Variants in FAM234B observed in about 807,000 individuals in gnomAD.
The protein encoded by FAM234B is family with sequence similarity 234 member B.
A neutral mutation model predicts 69.3 loss-of-function variants in FAM234B; 33 were observed. That is an observed-to-expected ratio of 0.48 (90% CI 0.36 to 0.64). FAM234B has a LOEUF of 0.64. Among genes scored for constraint, FAM234B ranks in the 30% least tolerant of loss-of-function variants. The pLI is 0.00. For synonymous variants in FAM234B, 306 were observed against 306.9 expected, an observed-to-expected ratio of 1.00 and a Z score of 0.03; for missense variants, 697 against 769.7, an observed-to-expected ratio of 0.91 and a Z score of 1.12.
chr12:13,066,309 G>T (rs1865035859), intron 5 of FAM234B, among the ~76,000 whole-genome samples: 1 of 152,156 alleles, frequency 6.6e-6, no homozygotes, highest in Admixed American at 6.5e-5. Flanking sequence ...TTGAAGTAAA[G>T]ACCCAGGGGC....
intron 1 of FAM234B, among the ~76,000 whole-genome samples, chr12:13,053,703 C>A (rs1392707296): frequency 2.0e-5 from 3 of 152,198 alleles, no homozygotes; most frequent in African/African-American, 2.4e-5. Context: ...TCTTGATAAA[C>A]ATCTTAACAG....
intron 1 of FAM234B, among the ~76,000 whole-genome samples, chr12:13,052,538 C>G (rs1188412050): frequency 6.6e-6 from 1 of 152,138 alleles, no homozygotes; most frequent in East Asian, 1.9e-4. Flanking sequence ...TGCACCCAAT[C>G]TCTAGTACTT....
intron 1 of FAM234B, among the ~76,000 whole-genome samples, chr12:13,046,664 TG>T (rs2120434748): frequency 6.6e-6 from 1 of 152,322 alleles, no homozygotes; most frequent in Non-Finnish European, 1.5e-5. Context: ...TTCTCCATGT[TG>T]GTCAGGCTGG....
intron 11 of FAM234B, among the ~76,000 whole-genome samples, chr12:13,079,110 G>T (rs1157568567): frequency 6.6e-6 from 1 of 152,166 alleles, no homozygotes; most frequent in African/African-American, 2.4e-5. Context: ...GAACAAAGCT[G>T]GAGGCATCAC....
intron 1 of FAM234B, among the ~76,000 whole-genome samples, chr12:13,046,159 G>A (rs1470959861): frequency 1.0e-5 from 1 of 96,246 alleles, no homozygotes; most frequent in Non-Finnish European, 1.9e-5. Flanking sequence ...TGCGTCTACG[G>A]CCATACCACC....
chr12:13,051,456 A>G (rs1170125576), intron 1 of FAM234B, among the ~76,000 whole-genome samples: 2 of 152,232 alleles, frequency 1.3e-5, no homozygotes, highest in African/African-American at 2.4e-5. Flanking sequence ...CAATTGCACA[A>G]TTATAGGGTG....
chr12:13,073,098 C>T (rs1313607548), intron 10 of FAM234B, among the ~76,000 whole-genome samples: 1 of 151,860 alleles, frequency 6.6e-6, no homozygotes, highest in Non-Finnish European at 1.5e-5. Flanking sequence ...TCTGCTAAAG[C>T]TTTGGCTTTC....
At chr12:13,047,848 C>A (rs1422043276) in intron 1 of FAM234B, among the ~76,000 whole-genome samples, 1 of 151,974 alleles carries the variant, frequency 6.6e-6, no homozygotes, top group African/African-American at 2.4e-5. Context: ...TGGTGGACTT[C>A]TTTTAAGGCA....
In FAM234B at chr12:13,081,845, A is replaced by G. The variant is rs1267699445; in HGVS notation, c.*1215A>G. The stretch of plus-strand genomic sequence containing the variant: ...TCTAAACTTTTAGGTCATTGTTTAT[A>G]TAGCAGAAAATTCAATGTTAGCGGA... On this transcript the variant is annotated 3_prime_UTR_variant, in exon 13 of 13. Coordinates refer to ENST00000197268, the MANE Select transcript of FAM234B (RefSeq NM_020853.2). 6 of 151,662 alleles carry G rather than the reference A, an allele frequency of 4.0e-5. No individual in the cohort carries two copies. The highest frequency in any genetic ancestry group is 2.1e-4 in the South Asian group (1 of 4,780). The allele number at this position is 151,662 out of a possible 1,614,324, so 9.4% of individuals were successfully genotyped here.
chr12:13,068,270 C>T (rs758047577), intron 7 of FAM234B, 34 bp from the exon 8 acceptor site: 1 of 1,613,422 alleles, frequency 6.2e-7, no homozygotes, highest in Non-Finnish European at 8.5e-7. Context: ...TCATCCAAGC[C>T]AGAGACTAAC....
rs375432841 is a variant in FAM234B, at chr12:13,080,027, T to A, written c.1863+18T>A. The A allele has an allele frequency of 3.9e-5, 61 of 1,546,838 alleles. No individual in the cohort carries two copies. In the South Asian group the frequency reaches 7.0e-4, roughly 18 times the overall value. On this transcript the variant is annotated intron_variant, in intron 12 of 12. Coordinates refer to ENST00000197268, the MANE Select transcript of FAM234B (RefSeq NM_020853.2). ...CCTACGAGGTGAGTGGCTGCAGAAA[T>A]ATTGTTCCTCTTGAGGGTTTAGGAC...
chr12:13,055,487 A>G, intron 1 of FAM234B, 64 bp from the exon 2 acceptor site: 1 of 1,437,336 alleles, frequency 7.0e-7, no homozygotes, highest in Non-Finnish European at 9.4e-7. Context: ...TACAGTTGCC[A>G]TATATTTGGT....
At chr12:13,070,101 TAATAA>T (rs1565511040) in intron 9 of FAM234B, among the ~76,000 whole-genome samples, 1 of 150,038 alleles carries the variant, frequency 6.7e-6, no homozygotes, top group Non-Finnish European at 1.5e-5. Context: ...AAAACAGGGG[TAATAA>T]TATTGCCTGC....
chr12:13,070,379 G>A (rs1865092983), intron 9 of FAM234B, among the ~76,000 whole-genome samples: 1 of 151,926 alleles, frequency 6.6e-6, no homozygotes, highest in Non-Finnish European at 1.5e-5. Flanking sequence ...CTTGTGTGAT[G>A]CAGAGTCTGA....
chr12:13,066,673 A>T lies in FAM234B; in HGVS notation c.886A>T (p.Thr296Ser), dbSNP rs1053775352. The change falls in exon 6 of 13, where the codon ACC becomes TCC. Residue 296 changes from threonine (T) to serine (S), a missense_variant. Physicochemically the swap from Thr to Ser is moderately conservative, Grantham distance 58. Around this residue, in one of 3 missense-constraint regions of FAM234B, gnomAD observed 380 missense variants for 447.1 expected, o/e 0.85. Transcript: ENST00000197268. ...GTGCTTTCTGCTGGTGTCTGGCCGG[A>T]CCGGAAATCCAGTGGGTCGACCTGT... Reference protein sequence around the residue: ...DLCFLLVSGRTGNPVGRPVKY... With the variant: ...DLCFLLVSGRSGNPVGRPVKY... 6.2e-7 allele frequency: 1 copy of T among 1,613,720 alleles called. No individual in the cohort carries two copies. The highest frequency in any genetic ancestry group is 1.3e-5 in the African/African-American group (1 of 74,860).
intron 2 of FAM234B, 139 bp from the exon 3 acceptor site, chr12:13,058,312 G>A: frequency 1.4e-6 from 1 of 709,502 alleles, no homozygotes; most frequent in East Asian, 2.5e-5. Context: ...GCACTTAGCA[G>A]GGGGAGTAGG....
intron 9 of FAM234B, among the ~76,000 whole-genome samples, chr12:13,070,259 C>A (rs1034373208): frequency 6.7e-6 from 1 of 150,140 alleles, no homozygotes; most frequent in African/African-American, 2.4e-5. Context: ...TGCAGTGTCT[C>A]TAGACTTCTC....
chr12:13,054,810 T>C (rs56328237), intron 1 of FAM234B, among the ~76,000 whole-genome samples: 4,063 of 152,256 alleles, frequency 0.027, 100 homozygotes, highest in African/African-American at 0.056. Context: ...AAATCAACAC[T>C]GCAAGCTAAG....
At chr12:13,051,798 G>A (rs1864879644) in intron 1 of FAM234B, among the ~76,000 whole-genome samples, 2 of 152,186 alleles carry the variant, frequency 1.3e-5, no homozygotes, top group Admixed American at 6.5e-5. Context: ...AAGAGTGGGG[G>A]AGGGCACTGG....
Sources: gnomAD v4.1 joint callset for allele counts (sites outside exome capture counted in the v4.1 genomes callset) on GRCh38, gnomAD v4.1.1 for gene constraint, gnomAD v4.1.1 regional missense constraint, MANE v1.5 for transcripts, NCBI Gene and HGNC (gene_info 2026-07-23, HGNC 2026-07-21) for gene names.